The following PCDH15 variants were observed in gnomAD, a reference collection of about 807,000 sequenced individuals.
PCDH15 encodes the protein protocadherin-15.
Under a neutral mutation model 178.5 loss-of-function variants are expected in PCDH15, and 129 were observed. That is an observed-to-expected ratio of 0.72 (90% CI 0.63 to 0.84). PCDH15 has a LOEUF of 0.84. PCDH15 is among the 40% of genes least tolerant of loss of function. The probability of loss-of-function intolerance (pLI) is 0.00; values close to 1 mark genes in which losing one functional copy is unlikely to be tolerated. For missense variants in PCDH15, 2,230 were observed against 2,099.9 expected (o/e 1.06, Z -1.21); for synonymous variants, 800 against 732.0 (o/e 1.09, Z -1.50).
intron 2 of PCDH15, among the ~76,000 whole-genome samples, chr10:55,556,640 G>A (rs1460041144): frequency 4.6e-5 from 7 of 152,040 alleles, no homozygotes; most frequent in African/African-American, 1.4e-4. Flanking sequence ...AGATCAGCCT[G>A]GCCAATATGG....
chr10:53,843,619 G>A (rs1044765215), intron 28 of PCDH15, among the ~76,000 whole-genome samples: 1 of 151,272 alleles, frequency 6.6e-6, no homozygotes, highest in African/African-American at 2.4e-5. Flanking sequence ...CTTTATAATG[G>A]GAATAAAAGA....
intron 1 of PCDH15, among the ~76,000 whole-genome samples, chr10:55,213,915 T>A (rs967524345): frequency 1.3e-5 from 2 of 151,938 alleles, no homozygotes; most frequent in Non-Finnish European, 2.9e-5. Flanking sequence ...AGTATAAACA[T>A]TAAAAATCAA....
intron 2 of PCDH15, among the ~76,000 whole-genome samples, chr10:55,024,188 G>A (rs1406192508): frequency 7.0e-6 from 1 of 143,638 alleles, no homozygotes; most frequent in African/African-American, 2.5e-5. Context: ...GAGAGAGGAA[G>A]GAATATATAT....
intron 15 of PCDH15, among the ~76,000 whole-genome samples, chr10:54,122,287 C>T (rs779277312): frequency 2.4e-4 from 37 of 151,902 alleles, no homozygotes; most frequent in Non-Finnish European, 5.1e-4. Context: ...CCTCGAGAGA[C>T]GCGGAAAAAG....
At chr10:55,616,016 G>C (rs565836265) in intron 2 of PCDH15, among the ~76,000 whole-genome samples, 107 of 152,270 alleles carry the variant, frequency 7.0e-4, no homozygotes, top group African/African-American at 2.4e-3. Context: ...GATTAAGCTG[G>C]AGTCACCACT....
chr10:54,081,471 T>C (rs1014306958), intron 16 of PCDH15, among the ~76,000 whole-genome samples: 19 of 152,100 alleles, frequency 1.2e-4, no homozygotes, highest in Admixed American at 8.5e-4. Context: ...GTGATTATTA[T>C]AGAGGTAGTT....
At chr10:54,105,582 C>T (rs990746954) in intron 15 of PCDH15, among the ~76,000 whole-genome samples, 1 of 151,852 alleles carries the variant, frequency 6.6e-6, no homozygotes, top group South Asian at 2.1e-4. Context: ...CATTTTTCTG[C>T]CTGCTTTATT....
At chr10:55,153,356 C>T (rs564177375) in intron 2 of PCDH15, among the ~76,000 whole-genome samples, 93 of 152,230 alleles carry the variant, frequency 6.1e-4, no homozygotes, top group Non-Finnish European at 8.7e-4. Context: ...CACCTTGACA[C>T]GGGCTGCATC....
intron 2 of PCDH15, among the ~76,000 whole-genome samples, chr10:54,587,782 G>A (rs1236338781): frequency 6.6e-6 from 1 of 151,980 alleles, no homozygotes; most frequent in Non-Finnish European, 1.5e-5. Context: ...AGAGGGAATT[G>A]GCCAGCATAT....
Position 53,938,994 on chromosome 10 carries a change from C to A in PCDH15, c.3233-39G>T, listed in dbSNP as rs184408817. 7.5e-6 allele frequency: 12 copies of A among 1,592,768 alleles called. No homozygotes were observed. In the South Asian group the frequency reaches 1.2e-4, roughly 16 times the overall value. ...TACAATTACCTGGTCATTGTCTTTA[C>A]GCTATAAGGAAAGAAATTCTCTTTA... is the stretch of plus-strand genomic sequence containing the variant. On this transcript the variant is annotated intron_variant, in intron 24 of 37. Transcript: ENST00000644397.
chr10:54,731,563 T>TATATACAC lies in PCDH15; in HGVS notation c.-28-67274_-28-67273insGTGTATAT. On this transcript the variant is annotated intron_variant, in intron 1 of 37. Coordinates refer to ENST00000644397, the MANE Select transcript of PCDH15 (RefSeq NM_001384140.1). Reference sequence around the variant, plus strand: ...TGAGATAGATATATATATATATATATACACACACACACACACACACACACA... The same window carrying TATATACAC: ...TGAGATAGATATATATATATATATATATATACACACACACACACACACACACACACACA... Among the ~76,000 whole-genome samples the TATATACAC allele has an allele frequency of 1.2e-3, 58 of 49,926 alleles. 2 individuals carry two copies. The highest frequency in any genetic ancestry group is 3.5e-3 in the African/African-American group (54 of 15,436). 32.8% of individuals were successfully genotyped at this position (49,926 alleles called of 152,430 possible).
At chr10:54,901,646 T>C (rs1385341604) in intron 2 of PCDH15, among the ~76,000 whole-genome samples, 2 of 152,178 alleles carry the variant, frequency 1.3e-5, no homozygotes, top group Non-Finnish European at 2.9e-5. Context: ...ACCTGGCACC[T>C]ACACAGATAG....
intron 2 of PCDH15, among the ~76,000 whole-genome samples, chr10:55,417,349 T>G (rs1838508129): frequency 6.6e-6 from 1 of 151,658 alleles, no homozygotes; most frequent in African/African-American, 2.4e-5. Flanking sequence ...GAAAGAATTC[T>G]TTGGGACTGA....
intron 5 of PCDH15, among the ~76,000 whole-genome samples, chr10:54,366,422 C>A (rs1316696345): frequency 6.6e-6 from 1 of 151,952 alleles, no homozygotes; most frequent in Non-Finnish European, 1.5e-5. Context: ...GAATAAAACT[C>A]ATTTCATTTA....
upstream of PCDH15, among the ~76,000 whole-genome samples, chr10:54,805,339 CA>C (rs1309667346): frequency 2.6e-5 from 4 of 152,034 alleles, no homozygotes; most frequent in African/African-American, 9.7e-5. Flanking sequence ...TCATTACAAG[CA>C]GTGTCTCACC....
intron 2 of PCDH15, among the ~76,000 whole-genome samples, chr10:55,498,990 G>T (rs1840595316): frequency 6.6e-6 from 1 of 151,868 alleles, no homozygotes; most frequent in Non-Finnish European, 1.5e-5. Flanking sequence ...ATTATGTCTA[G>T]TTGACAGCTA....
intron 9 of PCDH15, among the ~76,000 whole-genome samples, chr10:54,236,539 T>C (rs942628870): frequency 6.6e-6 from 1 of 152,182 alleles, no homozygotes; most frequent in African/African-American, 2.4e-5. Context: ...ATATGATAAG[T>C]TGATATGTAG....
intron 1 of PCDH15, among the ~76,000 whole-genome samples, chr10:54,715,066 T>C (rs1256459164): frequency 1.4e-5 from 2 of 145,908 alleles, no homozygotes; most frequent in African/African-American, 5.0e-5. Context: ...CTGATACTCA[T>C]TTTTTTTTCT....
chr10:54,112,916 A>G (rs117220769), intron 15 of PCDH15, among the ~76,000 whole-genome samples: 442 of 152,334 alleles, frequency 2.9e-3, no homozygotes, highest in Non-Finnish European at 4.8e-3. Flanking sequence ...TTAGTTACGT[A>G]GACTGAAGTT....
Sources: allele counts gnomAD v4.1 joint callset (sites outside exome capture counted in the v4.1 genomes callset), GRCh38; gene constraint gnomAD v4.1.1; transcripts MANE v1.5; gene names NCBI Gene and HGNC (gene_info 2026-07-23, HGNC 2026-07-21).